Variants in ITPR2 observed in about 807,000 individuals in gnomAD.
ITPR2 encodes inositol 1,4,5-trisphosphate-gated calcium channel ITPR2.
ITPR2 carries 207 observed loss-of-function variants against 317.1 expected under a neutral mutation model. The observed-to-expected ratio is 0.65, with a 90% confidence interval of 0.58 to 0.73. The LOEUF (loss-of-function observed/expected upper bound fraction) is 0.73. Among genes scored for constraint, ITPR2 ranks in the 30% least tolerant of loss-of-function variants. The probability of loss-of-function intolerance (pLI) is 0.00; values close to 1 mark genes in which losing one functional copy is unlikely to be tolerated. For missense variants in ITPR2, 2,613 were observed against 3,284.0 expected (o/e 0.80, Z 4.99); for synonymous variants, 1,156 against 1,149.1 (o/e 1.01, Z -0.12).
rs1942693400 is a variant in ITPR2 at position 26,487,274 on chromosome 12, A to C, written c.5371-23T>G. 4 of 1,548,236 alleles carry C rather than the reference A, an allele frequency of 2.6e-6. No individual in the cohort carries two copies. In the South Asian group the frequency reaches 3.6e-5, roughly 14 times the overall value. ...ATACTGCAAGAAAACATATTTTAAG[A>C]CATCAATACCCAAGGGGAGACAAAT... is the stretch of plus-strand genomic sequence containing the variant. On this transcript the variant is annotated intron_variant, in intron 39 of 56. Coordinates refer to ENST00000381340, the MANE Select transcript of ITPR2 (RefSeq NM_002223.4).
intron 37 of ITPR2, among the ~76,000 whole-genome samples, chr12:26,508,226 C>T (rs978648924): frequency 8.6e-5 from 13 of 151,938 alleles, no homozygotes; most frequent in Admixed American, 7.9e-4. Context: ...TATGGTATGC[C>T]TTATTTATGA....
intron 37 of ITPR2, among the ~76,000 whole-genome samples, chr12:26,528,972 T>C (rs946673541): frequency 3.3e-5 from 5 of 152,196 alleles, no homozygotes; most frequent in Admixed American, 2.0e-4. Flanking sequence ...CAGCCTCACA[T>C]TCAAAAGCTA....
Position 26,335,612 on chromosome 12 carries a change from C to T in ITPR2, c.*3785G>A, listed in dbSNP as rs74072137. ...GTTAGGCTATCTGGTTTTGATAGTG[C>T]GTGTTTTCTTCTATTAAGTGAGATA... On this transcript the variant is annotated 3_prime_UTR_variant, in exon 57 of 57. Coordinates refer to ENST00000381340, the MANE Select transcript of ITPR2 (RefSeq NM_002223.4). Among the ~76,000 whole-genome samples the T allele has an allele frequency of 0.014, 2,112 of 152,204 alleles. 59 individuals are homozygous for T. The highest frequency in any genetic ancestry group is 0.048 in the African/African-American group (2,013 of 41,516).
chr12:26,418,022 AT>A (rs1389778076), intron 50 of ITPR2, among the ~76,000 whole-genome samples: 5 of 152,230 alleles, frequency 3.3e-5, no homozygotes, highest in Admixed American at 1.3e-4. Context: ...AACGGAAAAA[AT>A]ATCTGTTGCT....
intron 37 of ITPR2, among the ~76,000 whole-genome samples, chr12:26,523,516 CA>C (rs1457516686): frequency 6.9e-6 from 1 of 145,010 alleles, no homozygotes; most frequent in Non-Finnish European, 1.5e-5. Context: ...AAAACAATGG[CA>C]AAATCTTTTT....
intron 48 of ITPR2, among the ~76,000 whole-genome samples, chr12:26,428,569 T>C (rs1421825565): frequency 6.6e-6 from 1 of 152,180 alleles, no homozygotes. Context: ...AATAGACACA[T>C]GCTTTAACTG....
chr12:26,730,344 T>C (rs921489689), intron 2 of ITPR2, among the ~76,000 whole-genome samples: 4 of 152,206 alleles, frequency 2.6e-5, no homozygotes, highest in African/African-American at 9.6e-5. Context: ...TCATCCTGCT[T>C]CTAAACTCTC....
chr12:26,428,002 C>G lies in ITPR2; in HGVS notation c.6856G>C (p.Gly2286Arg). 1 of 1,612,530 alleles carries G rather than the reference C, an allele frequency of 6.2e-7. No individual in the cohort carries two copies. Residue 2286 changes from glycine (G) to arginine (R), a missense_variant, in exon 49 of 57, where the codon GGT (glycine) becomes CGT (arginine). This residue lies in a region of ITPR2 where 926 missense variants were observed against 1,072.8 expected (regional missense o/e 0.86). Coordinates refer to ENST00000381340, the MANE Select transcript of ITPR2 (RefSeq NM_002223.4). ...SMLFFFSKPVGIRPFLVSIML... is the reference protein window; with the variant it reads ...SMLFFFSKPVRIRPFLVSIML... ...ATTGATACAAGAAACGGCCGAATAC[C>G]CACAGGCTTGGAGAAGAAAAACAGC...
chr12:26,762,428 G>A (rs1949652304), intron 2 of ITPR2, among the ~76,000 whole-genome samples: 1 of 152,170 alleles, frequency 6.6e-6, no homozygotes. Context: ...ACAGTGGGAT[G>A]ACATATTCAA....
At chr12:26,392,441 C>T (rs901308866) in intron 54 of ITPR2, among the ~76,000 whole-genome samples, 19 of 152,110 alleles carry the variant, frequency 1.2e-4, no homozygotes, top group East Asian at 1.9e-4. Context: ...CTTCCACCAC[C>T]GACTCCCACA....
chr12:26,495,018 G>C, intron 38 of ITPR2, 134 bp downstream of exon 38: 1 of 653,764 alleles, frequency 1.5e-6, no homozygotes, highest in Non-Finnish European at 2.7e-6. Flanking sequence ...GCCCCAAATT[G>C]TATGAAAGTT....
Position 26,621,211 on chromosome 12 carries a change from T to A in ITPR2, c.3374A>T (p.Lys1125Met), listed in dbSNP as rs756387725. The A allele has an allele frequency of 6.2e-7, 1 of 1,613,942 alleles. No homozygotes were observed. ...GCTCTTCTCCACCCATAGCTCAGACTTTTCTACTGTCAGTCGAAGCTGGTC... is the reference window on the plus strand; with the variant it reads ...GCTCTTCTCCACCCATAGCTCAGACATTTCTACTGTCAGTCGAAGCTGGTC... ...DLDQLRLTVE[K>M]SELWVEKSSN... The change falls in exon 26 of 57, where the codon AAG (lysine) becomes ATG (methionine). Residue 1125 changes from lysine (K) to methionine (M), a missense_variant. Lys to Met is a moderately conservative substitution (Grantham distance 95). Transcript: ENST00000381340.
intron 23 of ITPR2, 99 bp downstream of exon 23, chr12:26,627,934 A>C: frequency 8.5e-7 from 1 of 1,173,960 alleles, no homozygotes; most frequent in Non-Finnish European, 1.2e-6. Flanking sequence ...AAAAATTTAA[A>C]AAGCACAAAA....
intron 26 of ITPR2, among the ~76,000 whole-genome samples, chr12:26,606,768 T>TA (rs1421660481): frequency 6.6e-6 from 1 of 151,490 alleles, no homozygotes; most frequent in Non-Finnish European, 1.5e-5. Flanking sequence ...TCTGTCTCTA[T>TA]AAAAAATAAA....
At chr12:26,759,173 GT>G (rs1363590433) in intron 2 of ITPR2, among the ~76,000 whole-genome samples, 1 of 152,218 alleles carries the variant, frequency 6.6e-6, no homozygotes, top group Non-Finnish European at 1.5e-5. Context: ...CTCCCCAGAT[GT>G]AGGTGAACTG....
chr12:26,433,233 T>A (rs1941262092), intron 48 of ITPR2, among the ~76,000 whole-genome samples: 1 of 152,194 alleles, frequency 6.6e-6, no homozygotes, highest in South Asian at 2.1e-4. Flanking sequence ...CCCTTCCCTC[T>A]AAGCACCCCA....
chr12:26,475,367 C>A lies in ITPR2; in HGVS notation c.6271G>T (p.Asp2091Tyr), dbSNP rs756539888. The part of the protein sequence containing the change: ...YNQGLECDHG[D>Y]DEGGDDGVSP... ...ACACCATCATCTCCACCCTCATCATCCCCATGGTCACATTCCAATCCTTGG... is the reference window on the plus strand; with the variant it reads ...ACACCATCATCTCCACCCTCATCATACCCATGGTCACATTCCAATCCTTGG... The change falls in exon 45 of 57, where the codon GAT (aspartate) becomes TAT (tyrosine). Residue 2091 changes from aspartate to tyrosine, a missense_variant. Transcript: ENST00000381340. 2 of 1,613,778 alleles carry A rather than the reference C, an allele frequency of 1.2e-6. No homozygotes were observed. The highest frequency in any genetic ancestry group is 1.7e-6 in the Non-Finnish European group (2 of 1,179,742).
chr12:26,832,240 C>A (rs1951123947), intron 1 of ITPR2, among the ~76,000 whole-genome samples: 1 of 152,222 alleles, frequency 6.6e-6, no homozygotes, highest in African/African-American at 2.4e-5. Flanking sequence ...GTTTCATGTC[C>A]AAGGCCACGG....
chr12:26,484,043 G>A (rs1942603720), intron 41 of ITPR2, 145 bp from the exon 42 acceptor site: 1 of 663,370 alleles, frequency 1.5e-6, no homozygotes, highest in Non-Finnish European at 2.5e-6. Flanking sequence ...ACTTAAGGAG[G>A]GAGAAACGCC....
Sources: gnomAD v4.1 joint callset for allele counts (sites outside exome capture counted in the v4.1 genomes callset) on GRCh38, gnomAD v4.1.1 for gene constraint, gnomAD v4.1.1 regional missense constraint, MANE v1.5 for transcripts, NCBI Gene and HGNC (gene_info 2026-07-23, HGNC 2026-07-21) for gene names.